Variants in CXCR2 observed in about 807,000 individuals in gnomAD.
CXCR2 encodes the protein C-X-C chemokine receptor type 2.
A neutral mutation model predicts 3.7 loss-of-function variants in CXCR2; 2 were observed. The ratio of observed to expected loss-of-function variants is 0.55; its 90% CI spans 0.22 to 1.72. The LOEUF is 1.72. Among genes scored for constraint, CXCR2 ranks in the 40% most tolerant of loss-of-function variants. The pLI is 0.19. For synonymous variants in CXCR2, 203 were observed against 193.3 expected, an observed-to-expected ratio of 1.05 and a Z score of -0.41; for missense variants, 351 against 450.1, an observed-to-expected ratio of 0.78 and a Z score of 1.99.
intron 2 of CXCR2, among the ~76,000 whole-genome samples, chr2:218,133,748 A>G (rs570082523): frequency 1.3e-5 from 2 of 152,350 alleles, no homozygotes; most frequent in Admixed American, 1.3e-4. Flanking sequence ...ACACACATGC[A>G]GGACAGGAAG....
Position 218,135,733 on chromosome 2 carries a change from C to T in CXCR2, c.932C>T (p.Pro311Leu). The T allele has an allele frequency of 6.2e-7, 1 of 1,614,084 alleles. No individual in the cohort carries two copies. The highest frequency in any genetic ancestry group is 1.1e-5 in the South Asian group (1 of 91,072). Residue 311 changes from proline to leucine, a missense_variant, in exon 3 of 3, where the codon CCC becomes CTC. Transcript: ENST00000318507. The surrounding 1 kb of genome is among the most constrained non-coding windows in gnomAD (Gnocchi z 4.0). ...GGCATCCTTCACAGCTGCCTCAACCCCCTCATCTACGCCTTCATTGGCCAG... is the reference window on the plus strand; with the variant it reads ...GGCATCCTTCACAGCTGCCTCAACCTCCTCATCTACGCCTTCATTGGCCAG... ...ILGILHSCLN[P>L]LIYAFIGQKF...
At position 218,137,046 on chromosome 2, in the gene CXCR2, C is replaced by A. The variant is rs1690827119; in HGVS notation, c.*1162C>A. ...AGTTGTACCGCAATGTGACTTAATG[C>A]CACTAAATTGACACTTAAAAATGGT... On this transcript the variant is annotated 3_prime_UTR_variant, in exon 3 of 3. Coordinates refer to ENST00000318507, the MANE Select transcript of CXCR2 (RefSeq NM_001557.4). The A allele has an allele frequency of 6.0e-6, 1 of 167,036 alleles. No individual in the cohort carries two copies. Among genetic ancestry groups the A allele is most frequent in the East Asian group, 1.9e-4 (1 of 5,188 alleles). 10.3% of individuals were successfully genotyped at this position (167,036 alleles called of 1,614,324 possible).
chr2:218,130,585 G>C (rs941111943), intron 2 of CXCR2, among the ~76,000 whole-genome samples: 2 of 152,118 alleles, frequency 1.3e-5, no homozygotes, highest in Non-Finnish European at 2.9e-5. Context: ...GTGATCGCAG[G>C]CTGGTTACTG....
In CXCR2 at chr2:218,137,062, T is replaced by C. The variant is rs1364317039; in HGVS notation, c.*1178T>C. 1 of 167,066 alleles carries C rather than the reference T, an allele frequency of 6.0e-6. No individual in the cohort carries two copies. Among genetic ancestry groups the C allele is most frequent in the Non-Finnish European group, 1.5e-5 (1 of 68,110 alleles). The allele number at this position is 167,066 out of a possible 1,614,324, so 10.3% of individuals were successfully genotyped here. ...GACTTAATGCCACTAAATTGACACTTAAAAATGGTTTAAATGGTCAATTTT... is the reference window on the plus strand; with the variant it reads ...GACTTAATGCCACTAAATTGACACTCAAAAATGGTTTAAATGGTCAATTTT... On this transcript the variant is annotated 3_prime_UTR_variant, in exon 3 of 3. Transcript: ENST00000318507.
intron 2 of CXCR2, among the ~76,000 whole-genome samples, chr2:218,130,138 T>A (rs17844758): frequency 2.1e-4 from 32 of 152,114 alleles, no homozygotes; most frequent in Non-Finnish European, 3.8e-4. Context: ...GAACTTAGCT[T>A]TGCTGGGCAC....
rs1404439477 is a variant in CXCR2 at position 218,136,075 on chromosome 2, C to A, written c.*191C>A. On this transcript the variant is annotated 3_prime_UTR_variant, in exon 3 of 3. Coordinates refer to ENST00000318507, the MANE Select transcript of CXCR2 (RefSeq NM_001557.4). ...TTAGAAAGCTTGCCCTGGTGCCTCACCCCTTGCCATAATTACTATGTCATT... is the reference window on the plus strand; with the variant it reads ...TTAGAAAGCTTGCCCTGGTGCCTCAACCCTTGCCATAATTACTATGTCATT... 1.0e-5 allele frequency: 7 copies of A among 685,522 alleles called. No individual in the cohort carries two copies. Among genetic ancestry groups the A allele is most frequent in the Non-Finnish European group, 1.7e-5 (7 of 411,046 alleles). 42.5% of individuals were successfully genotyped at this position (685,522 alleles called of 1,614,324 possible).
chr2:218,131,395 C>G (rs535970033), intron 2 of CXCR2, among the ~76,000 whole-genome samples: 4 of 152,312 alleles, frequency 2.6e-5, no homozygotes, highest in South Asian at 2.1e-4. Flanking sequence ...ACCTCCCCAG[C>G]CTTCTGGCCA....
At position 218,134,998 on chromosome 2, in the gene CXCR2, A is replaced by G. The variant is rs1051685752; in HGVS notation, c.197A>G (p.Asn66Ser). 1 of 1,613,200 alleles carries G rather than the reference A, an allele frequency of 6.2e-7. No individual in the cohort carries two copies. The highest frequency in any genetic ancestry group is 1.3e-5 in the African/African-American group (1 of 74,524). Reference sequence around the variant, plus strand: ...GTATTCCTGCTGAGCCTGCTGGGAAACTCCCTCGTGATGCTGGTCATCTTA... The same window carrying G: ...GTATTCCTGCTGAGCCTGCTGGGAAGCTCCCTCGTGATGCTGGTCATCTTA... ...ALVFLLSLLGNSLVMLVILYS... is the reference protein window; with the variant it reads ...ALVFLLSLLGSSLVMLVILYS... Residue 66 changes from asparagine (N) to serine (S), a missense_variant, in exon 3 of 3, where the codon AAC becomes AGC. Physicochemically the swap from Asn to Ser is conservative, Grantham distance 46 (BLOSUM62 1). Coordinates refer to ENST00000318507, the MANE Select transcript of CXCR2 (RefSeq NM_001557.4).
intron 2 of CXCR2, among the ~76,000 whole-genome samples, chr2:218,134,407 A>T (rs566285759): frequency 1.3e-5 from 2 of 152,288 alleles, no homozygotes; most frequent in African/African-American, 4.8e-5. Flanking sequence ...CTCACATCTC[A>T]CATTTCTGAA....
At chr2:218,129,184 T>G (rs909264379) in intron 1 of CXCR2, 130 bp from the exon 2 acceptor site, 2 of 152,346 alleles carry the variant, frequency 1.3e-5, no homozygotes, top group Non-Finnish European at 2.9e-5. Flanking sequence ...AGAGCTGATC[T>G]GGGAACTAAT....
rs1212107388 is a variant in CXCR2 at position 218,129,325 on chromosome 2, T to A, written c.-66T>A. 6.6e-6 allele frequency: 1 copy of A among 152,388 alleles called. No homozygotes were observed. The allele number at this position is 152,388 out of a possible 1,614,324, so 9.4% of individuals were successfully genotyped here. On this transcript the variant is annotated 5_prime_UTR_variant, in exon 2 of 3. Coordinates refer to ENST00000318507, the MANE Select transcript of CXCR2 (RefSeq NM_001557.4). Reference sequence around the variant, plus strand: ...CCTCCCTTTCATAGGTCACAGCTGCTCTTCTGGAGGTGTCCTACAGGTGAA... The same window carrying A: ...CCTCCCTTTCATAGGTCACAGCTGCACTTCTGGAGGTGTCCTACAGGTGAA...
chr2:218,134,391 T>G (rs1574541722), intron 2 of CXCR2, among the ~76,000 whole-genome samples: 1 of 150,622 alleles, frequency 6.6e-6, no homozygotes, highest in Non-Finnish European at 1.5e-5. Context: ...AAGAACTGAG[T>G]GACATCTCAC....
At chr2:218,125,783 T>C (rs1690493748), upstream of CXCR2, 1 of 151,990 alleles carries the variant, frequency 6.6e-6, no homozygotes, top group Non-Finnish European at 1.5e-5. Flanking sequence ...AAGCCATAAG[T>C]AAGATGTGGT....
intron 2 of CXCR2, 72 bp from the exon 3 acceptor site, chr2:218,134,705 C>A: frequency 7.3e-7 from 1 of 1,375,928 alleles, no homozygotes; most frequent in East Asian, 2.3e-5. Context: ...AGAATCCTAT[C>A]CCAGTTTCTT....
chr2:218,135,913 G>C lies in CXCR2; in HGVS notation c.*29G>C, dbSNP rs769243405. On this transcript the variant is annotated 3_prime_UTR_variant, in exon 3 of 3. Coordinates refer to ENST00000318507, the MANE Select transcript of CXCR2 (RefSeq NM_001557.4). This position sits in a 1 kb window ranked among gnomAD's most constrained non-coding sequence, Gnocchi z 4.0. The stretch of plus-strand genomic sequence containing the variant: ...CTCCTGCCTAAGTGCAGCCCCGTGG[G>C]GTTCCTCCCTTCTCTTCACAGTCAC... 1 of 1,570,282 alleles carries C rather than the reference G, an allele frequency of 6.4e-7. No homozygotes were observed. The highest frequency in any genetic ancestry group is 8.6e-7 in the Non-Finnish European group (1 of 1,157,782).
rs368209938 is a variant in CXCR2 at position 218,132,696 on chromosome 2, C to T, written c.-25-2081C>T. ...ACATAGGAAAAGAACACTAAAAATA[C>T]AGTATTATAATCTTATGGGACCACT... On this transcript the variant is annotated intron_variant, in intron 2 of 2. Coordinates refer to ENST00000318507, the MANE Select transcript of CXCR2 (RefSeq NM_001557.4). 1.9e-4 allele frequency among the ~76,000 whole-genome samples: 29 copies of T among 152,254 alleles called. No individual in the cohort carries two copies. The South Asian group carries it at 4.3e-3, about 23-fold the overall frequency.
At position 218,134,888 on chromosome 2, in the gene CXCR2, G is replaced by T. The variant is rs148935180; in HGVS notation, c.87G>T (p.Leu29=). The T allele has an allele frequency of 1.1e-3, 1,720 of 1,613,988 alleles. 2 individuals carry two copies. Among genetic ancestry groups the T allele is most frequent in the Non-Finnish European group, 1.3e-3 (1,590 of 1,180,010 alleles). ...GTAATTACAGTTACAGCTCTACCCT[G>T]CCCCCTTTTCTACTAGATGCCGCCC... is the stretch of plus-strand genomic sequence containing the variant. ...DLSNYSYSST[L]PPFLLDAAPC... The change falls in exon 3 of 3, where the codon CTG becomes CTT. Residue 29 remains leucine (L), a synonymous_variant. Coordinates refer to ENST00000318507, the MANE Select transcript of CXCR2 (RefSeq NM_001557.4).
chr2:218,134,419 A>G (rs1006651362), intron 2 of CXCR2, among the ~76,000 whole-genome samples: 4 of 152,210 alleles, frequency 2.6e-5, no homozygotes, highest in African/African-American at 7.2e-5. Context: ...ATTTCTGAAC[A>G]TTAAACCCAG....
chr2:218,134,310 A>T (rs1287465503), intron 2 of CXCR2, among the ~76,000 whole-genome samples: 2 of 152,128 alleles, frequency 1.3e-5, no homozygotes, highest in Non-Finnish European at 2.9e-5. Flanking sequence ...AGGCAGGAGA[A>T]TTACTTAAGG....
Sources: gnomAD v4.1 joint callset for allele counts (sites outside exome capture counted in the v4.1 genomes callset) on GRCh38, gnomAD v4.1.1 for gene constraint, Gnocchi (gnomAD v3.1) non-coding constraint, MANE v1.5 for transcripts, NCBI Gene and HGNC (gene_info 2026-07-23, HGNC 2026-07-21) for gene names.